The following RPSA2 variants were observed in gnomAD, a reference collection of about 807,000 sequenced individuals.
The protein encoded by RPSA2 is ribosomal protein SA 2.
chr19:23,829,935 A>T, the RPSA2 span, among the ~76,000 whole-genome samples: 1 of 152,120 alleles, frequency 6.6e-6, no homozygotes, highest in Non-Finnish European at 1.5e-5. Context: ...TTATATAATT[A>T]TGTGTAGCTT....
chr19:23,780,181 A>G, the RPSA2 span, among the ~76,000 whole-genome samples: 53 of 152,226 alleles, frequency 3.5e-4, no homozygotes, highest in Middle Eastern at 3.4e-3. Flanking sequence ...TCTCTCGTAT[A>G]TTGTATAAAG....
chr19:23,839,751 G>T, the RPSA2 span, among the ~76,000 whole-genome samples: 1 of 152,146 alleles, frequency 6.6e-6, no homozygotes, highest in African/African-American at 2.4e-5. Flanking sequence ...GCAGGAATGG[G>T]CTCCTTGGGG....
the RPSA2 span, among the ~76,000 whole-genome samples, chr19:23,843,995 G>A: frequency 6.6e-6 from 1 of 152,142 alleles, no homozygotes; most frequent in African/African-American, 2.4e-5. Context: ...CTGACCTCAG[G>A]TGATCTGCCT....
At chr19:23,815,184 A>AG in the RPSA2 span, among the ~76,000 whole-genome samples, 1 of 152,196 alleles carries the variant, frequency 6.6e-6, no homozygotes, top group African/African-American at 2.4e-5. Flanking sequence ...GTGTCCTAAC[A>AG]GAATACACCA....
chr19:23,782,590 C>T, the RPSA2 span: 4 of 152,164 alleles, frequency 2.6e-5, no homozygotes, highest in Non-Finnish European at 5.9e-5. Flanking sequence ...CTGGGGCAAG[C>T]AAAACAGTGA....
the RPSA2 span, among the ~76,000 whole-genome samples, chr19:23,809,877 T>C: frequency 9.9e-5 from 15 of 152,230 alleles, no homozygotes; most frequent in Non-Finnish European, 1.8e-4. Context: ...AATAGAAGCA[T>C]TGACAATAAG....
the RPSA2 span, among the ~76,000 whole-genome samples, chr19:23,802,318 A>C: frequency 3.3e-5 from 5 of 152,202 alleles, no homozygotes; most frequent in African/African-American, 1.2e-4. Context: ...ATGTGATACT[A>C]GAGTGTTATT....
At chr19:23,869,158 C>T in the RPSA2 span, among the ~76,000 whole-genome samples, 1 of 152,152 alleles carries the variant, frequency 6.6e-6, no homozygotes, top group African/African-American at 2.4e-5. Flanking sequence ...CTATCGTGAT[C>T]AGGGAGCATG....
At chr19:23,791,655 A>C in the RPSA2 span, among the ~76,000 whole-genome samples, 1 of 152,136 alleles carries the variant, frequency 6.6e-6, no homozygotes, top group East Asian at 1.9e-4. Context: ...TGATATTCCC[A>C]AATGCCAATT....
chr19:23,833,867 T>C, the RPSA2 span, among the ~76,000 whole-genome samples: 1 of 152,120 alleles, frequency 6.6e-6, no homozygotes, highest in Admixed American at 6.6e-5. Context: ...CATTTTGTGC[T>C]AGAGGAAAAC....
the RPSA2 span, among the ~76,000 whole-genome samples, chr19:23,822,068 C>T: frequency 1.1e-4 from 17 of 152,266 alleles, 1 homozygote; most frequent in Admixed American, 5.9e-4. Context: ...TTTCAGCAGC[C>T]TCAGGGTCAA....
At chr19:23,771,962 C>T in the RPSA2 span, among the ~76,000 whole-genome samples, 2 of 152,172 alleles carry the variant, frequency 1.3e-5, no homozygotes, top group Non-Finnish European at 2.9e-5. Context: ...AGGATTGTGG[C>T]ATATCACTAG....
At chr19:23,811,797 T>G in the RPSA2 span, among the ~76,000 whole-genome samples, 1 of 151,146 alleles carries the variant, frequency 6.6e-6, no homozygotes, top group African/African-American at 2.4e-5. Flanking sequence ...TAAATATATG[T>G]ATAATTTAGC....
At chr19:23,762,980 G>A in the RPSA2 span, 3 of 152,338 alleles carry the variant, frequency 2.0e-5, no homozygotes, top group Admixed American at 2.0e-4. Context: ...ACATTCCGCG[G>A]GGTCTTTACC....
chr19:23,832,584 A>T, the RPSA2 span: 1 of 1,157,708 alleles, frequency 8.6e-7, no homozygotes, highest in South Asian at 1.4e-5. Flanking sequence ...GCTTTTAGCC[A>T]GTCCCCATAC....
At chr19:23,808,250 A>AAATTAAG in the RPSA2 span, among the ~76,000 whole-genome samples, 1 of 149,176 alleles carries the variant, frequency 6.7e-6, no homozygotes, top group East Asian at 2.0e-4. Flanking sequence ...CCAGGCAGTG[A>AAATTAAG]AATTAAGAAC....
the RPSA2 span, among the ~76,000 whole-genome samples, chr19:23,777,568 G>A: frequency 6.6e-6 from 1 of 152,000 alleles, no homozygotes; most frequent in Non-Finnish European, 1.5e-5. Context: ...TCCTGCCTGG[G>A]CCCTGCCCAC....
the RPSA2 span, among the ~76,000 whole-genome samples, chr19:23,796,334 G>C: frequency 6.6e-6 from 1 of 151,590 alleles, no homozygotes; most frequent in Non-Finnish European, 1.5e-5. Context: ...GATCATCGTG[G>C]GTTAGCTTTT....
the RPSA2 span, among the ~76,000 whole-genome samples, chr19:23,837,244 C>G: frequency 6.6e-6 from 1 of 152,014 alleles, no homozygotes; most frequent in Non-Finnish European, 1.5e-5. Context: ...AAAGGGTGTC[C>G]TTTCCCCACT....
Sources: gnomAD v4.1 joint callset for allele counts (sites outside exome capture counted in the v4.1 genomes callset) on GRCh38, gnomAD v4.1.1 for gene constraint, MANE v1.5 for transcripts, NCBI Gene and HGNC (gene_info 2026-07-23, HGNC 2026-07-21) for gene names.